The following ZNF423 variants were observed in gnomAD, a reference collection of about 807,000 sequenced individuals.
ZNF423 encodes the protein zinc finger protein 423, also known as Ebf-associated zinc finger protein.
A neutral mutation model predicts 95.8 loss-of-function variants in ZNF423; 12 were observed. The ratio of observed to expected loss-of-function variants is 0.13; its 90% CI spans 0.08 to 0.20. The LOEUF is 0.20. ZNF423 is among the 10% of genes least tolerant of loss of function. The probability of loss-of-function intolerance (pLI) is 1.00; values close to 1 mark genes in which losing one functional copy is unlikely to be tolerated. For synonymous variants in ZNF423, 749 were observed against 711.9 expected (o/e 1.05, Z -0.83); for missense variants, 1,316 against 1,737.1 (o/e 0.76, Z 4.31).
intron 2 of ZNF423, among the ~76,000 whole-genome samples, chr16:49,782,138 C>T (rs35977914): frequency 0.16 from 24,933 of 152,260 alleles, 2,155 homozygotes; most frequent in East Asian, 0.26. Flanking sequence ...TGGCTGCAGT[C>T]AGACTCTTCT....
chr16:49,664,000 G>T, intron 3 of ZNF423: 1 of 920,406 alleles, frequency 1.1e-6, no homozygotes, highest in Non-Finnish European at 1.3e-6. Flanking sequence ...AAGGGGACTC[G>T]GCGTTCCGGT....
chr16:49,839,983 C>T (rs552380280), intron 1 of ZNF423, among the ~76,000 whole-genome samples: 1 of 152,330 alleles, frequency 6.6e-6, no homozygotes, highest in African/African-American at 2.4e-5. Flanking sequence ...CAGATGGCTC[C>T]TCACTCAACT....
chr16:49,557,498 T>C (rs1404864280), intron 5 of ZNF423, among the ~76,000 whole-genome samples: 1 of 152,122 alleles, frequency 6.6e-6, no homozygotes, highest in African/African-American at 2.4e-5. Context: ...TGGGGCAGTG[T>C]TCTGACCCTC....
chr16:49,504,962 C>T (rs1475206233), intron 7 of ZNF423, among the ~76,000 whole-genome samples: 16 of 152,138 alleles, frequency 1.1e-4, no homozygotes, highest in African/African-American at 2.9e-4. Flanking sequence ...CTTACAAATG[C>T]TGCAGGAAGG....
chr16:49,498,735 C>T (rs1247485239), intron 7 of ZNF423, among the ~76,000 whole-genome samples: 1 of 152,196 alleles, frequency 6.6e-6, no homozygotes, highest in East Asian at 1.9e-4. Context: ...TACAGGCAGC[C>T]CTGCCTCCCC....
intron 1 of ZNF423, among the ~76,000 whole-genome samples, chr16:49,853,404 C>T (rs2035323254): frequency 6.6e-6 from 1 of 152,144 alleles, no homozygotes; most frequent in Non-Finnish European, 1.5e-5. Flanking sequence ...TAAGTGGCCA[C>T]ATCTCCACCC....
chr16:49,663,476 C>T (rs1238020695), intron 3 of ZNF423, among the ~76,000 whole-genome samples: 1 of 152,162 alleles, frequency 6.6e-6, no homozygotes, highest in Non-Finnish European at 1.5e-5. Flanking sequence ...TCAATGTCCC[C>T]TTGGCATGCC....
chr16:49,510,553 A>C (rs1967844938), intron 7 of ZNF423, among the ~76,000 whole-genome samples: 1 of 151,700 alleles, frequency 6.6e-6, no homozygotes, highest in African/African-American at 2.4e-5. Flanking sequence ...GTAAACTGAG[A>C]CTCCCCATGT....
chr16:49,583,187 C>CA (rs1221828215), intron 5 of ZNF423, among the ~76,000 whole-genome samples: 2 of 152,194 alleles, frequency 1.3e-5, no homozygotes, highest in African/African-American at 4.8e-5. Context: ...CTGATGGGAA[C>CA]AAATGGTCAT....
chr16:49,741,824 T>C (rs529987410), intron 2 of ZNF423, among the ~76,000 whole-genome samples: 1 of 152,364 alleles, frequency 6.6e-6, no homozygotes, highest in East Asian at 1.9e-4. Flanking sequence ...AAGTCCATTT[T>C]TGTGCAAGAC....
At chr16:49,669,811 G>A (rs540772597) in intron 3 of ZNF423, among the ~76,000 whole-genome samples, 2 of 152,172 alleles carry the variant, frequency 1.3e-5, no homozygotes, top group Non-Finnish European at 2.9e-5. Flanking sequence ...AGAGCCAGAT[G>A]GCCCTACACA....
intron 2 of ZNF423, among the ~76,000 whole-genome samples, chr16:49,761,962 A>G (rs919276041): frequency 1.6e-4 from 24 of 151,742 alleles, no homozygotes; most frequent in Non-Finnish European, 2.8e-4. Flanking sequence ...GGACTACAGG[A>G]GCATGGCCAG....
At chr16:49,756,927 T>C (rs1342032021) in intron 2 of ZNF423, among the ~76,000 whole-genome samples, 1 of 152,196 alleles carries the variant, frequency 6.6e-6, no homozygotes, top group African/African-American at 2.4e-5. Flanking sequence ...CTTGTTTTCT[T>C]CTAGAGTGTG....
At chr16:49,714,620 T>C (rs1219873900) in intron 3 of ZNF423, among the ~76,000 whole-genome samples, 1 of 107,860 alleles carries the variant, frequency 9.3e-6, no homozygotes, top group African/African-American at 4.1e-5. Flanking sequence ...CACTCCAGCC[T>C]GGGAGAAAAA....
chr16:49,746,352 C>T (rs2033524663), intron 2 of ZNF423, among the ~76,000 whole-genome samples: 1 of 152,058 alleles, frequency 6.6e-6, no homozygotes, highest in Admixed American at 6.5e-5. Flanking sequence ...CATCGAGCCT[C>T]AGCTTCCCCA....
intron 3 of ZNF423, among the ~76,000 whole-genome samples, chr16:49,650,005 C>G (rs56214118): frequency 0.036 from 5,457 of 152,290 alleles, 316 homozygotes; most frequent in African/African-American, 0.12. Context: ...AAAGTATAAG[C>G]AAGGAAAAGT....
chr16:49,725,237 G>C (rs1407958743), intron 3 of ZNF423, among the ~76,000 whole-genome samples: 1 of 152,132 alleles, frequency 6.6e-6, no homozygotes, highest in Admixed American at 6.5e-5. Flanking sequence ...AATTAAAAAT[G>C]AGCCAGGTAT....
intron 7 of ZNF423, among the ~76,000 whole-genome samples, chr16:49,520,771 C>A (rs1277254320): frequency 6.6e-6 from 1 of 152,232 alleles, no homozygotes; most frequent in Non-Finnish European, 1.5e-5. Flanking sequence ...GCCCCAGCTT[C>A]TGTGTAGGGA....
At position 49,490,944 on chromosome 16, in the gene ZNF423, T is replaced by TA. The variant is rs1966932626; in HGVS notation, c.*330dup. The TA allele has an allele frequency of 7.3e-6, 2 of 274,278 alleles. No homozygotes were observed. Among genetic ancestry groups the TA allele is most frequent in the African/African-American group, 4.4e-5 (2 of 45,818 alleles). 17.0% of individuals were successfully genotyped at this position (274,278 alleles called of 1,614,324 possible). On this transcript the variant is annotated 3_prime_UTR_variant, in exon 8 of 8. Coordinates refer to ENST00000563137, the MANE Select transcript of ZNF423 (RefSeq NM_001379286.1). ...AAAAAAAATCACACTAATTCTTTTT[T>TA]AAAAACTATCAATATAATACATGAA...
Sources: gnomAD v4.1 joint callset for allele counts (sites outside exome capture counted in the v4.1 genomes callset) on GRCh38, gnomAD v4.1.1 for gene constraint, MANE v1.5 for transcripts, NCBI Gene and HGNC (gene_info 2026-07-23, HGNC 2026-07-21) for gene names.